RBFOX1: variants seen among roughly 807,000 people sequenced by gnomAD.
RBFOX1 encodes the protein RNA binding fox-1 homolog 1, also known as RNA binding protein fox-1 homolog 1.
In RBFOX1, 8 loss-of-function variants were observed where a neutral mutation model predicts 57.7. The ratio of observed to expected loss-of-function variants is 0.14; its 90% CI spans 0.08 to 0.25. The LOEUF (loss-of-function observed/expected upper bound fraction) is 0.25, where lower values mean the gene tolerates loss of function less well. RBFOX1 is among the 10% of genes least tolerant of loss of function. The pLI, the probability that RBFOX1 is intolerant of heterozygous loss-of-function variation, is 1.00. For synonymous variants in RBFOX1, 326 were observed against 222.4 expected (o/e 1.47, Z -4.15); for missense variants, 611 against 548.5 (o/e 1.11, Z -1.14).
At chr16:6,797,731 C>A (rs895192706) in intron 3 of RBFOX1, among the ~76,000 whole-genome samples, 1 of 152,020 alleles carries the variant, frequency 6.6e-6, no homozygotes, top group African/African-American at 2.4e-5. Context: ...GTTTCCAAAC[C>A]ACGTTGGCTC....
intron 3 of RBFOX1, among the ~76,000 whole-genome samples, chr16:5,751,103 A>C (rs919835339): frequency 6.6e-6 from 1 of 152,176 alleles, no homozygotes; most frequent in African/African-American, 2.4e-5. Context: ...TCGGCCTCCT[A>C]AAGTGCTGGG....
intron 3 of RBFOX1, among the ~76,000 whole-genome samples, chr16:5,696,734 C>T (rs1352654121): frequency 2.0e-5 from 3 of 152,046 alleles, no homozygotes; most frequent in Admixed American, 1.3e-4. Context: ...ATGATATTGC[C>T]TTCCCATCTA....
At chr16:5,794,652 A>C (rs952707690) in intron 3 of RBFOX1, among the ~76,000 whole-genome samples, 14 of 152,150 alleles carry the variant, frequency 9.2e-5, no homozygotes, top group South Asian at 2.1e-4. Context: ...ATGCAGCTGG[A>C]GGAGTCGGGC....
chr16:6,215,655 A>G (rs537809414), intron 1 of RBFOX1, among the ~76,000 whole-genome samples: 1 of 151,856 alleles, frequency 6.6e-6, no homozygotes, highest in Non-Finnish European at 1.5e-5. Flanking sequence ...CTTCCTGTAG[A>G]TTTTTGCAGC....
intron 3 of RBFOX1, among the ~76,000 whole-genome samples, chr16:5,685,091 A>G (rs2050464959): frequency 6.6e-6 from 1 of 152,206 alleles, no homozygotes; most frequent in Admixed American, 6.5e-5. Flanking sequence ...ATAAGCAGAC[A>G]TGAAAAAAGG....
In RBFOX1 at chr16:7,667,092, G is replaced by C. The variant is rs536637263; in HGVS notation, c.930+2124G>C. ...TGGGGGAGCATCACATATGCAATCAGGTGGCAGAAAAAGTTCCTGCAATAT... is the reference window on the plus strand; with the variant it reads ...TGGGGGAGCATCACATATGCAATCACGTGGCAGAAAAAGTTCCTGCAATAT... On this transcript the variant is annotated intron_variant, in intron 13 of 15. Coordinates refer to ENST00000550418, the MANE Select transcript of RBFOX1 (RefSeq NM_018723.4). Among the ~76,000 whole-genome samples the C allele has an allele frequency of 3.3e-5, 5 of 152,308 alleles. No individual in the cohort carries two copies. In the South Asian group the frequency reaches 8.3e-4, roughly 25 times the overall value.
chr16:7,048,294 C>T (rs112623715), intron 3 of RBFOX1, among the ~76,000 whole-genome samples: 2 of 151,850 alleles, frequency 1.3e-5, no homozygotes, highest in East Asian at 3.9e-4. Flanking sequence ...GAGTCTTGCT[C>T]TGTCTCCCAG....
intron 1 of RBFOX1, among the ~76,000 whole-genome samples, chr16:6,080,676 G>A (rs917861643): frequency 1.3e-5 from 2 of 152,130 alleles, no homozygotes; most frequent in Admixed American, 6.6e-5. Flanking sequence ...TTTAAAAGAT[G>A]TACTCTTCTC....
At chr16:5,542,813 T>TAAGGCA (rs2045016498) in intron 2 of RBFOX1, among the ~76,000 whole-genome samples, 1 of 152,226 alleles carries the variant, frequency 6.6e-6, no homozygotes, top group African/African-American at 2.4e-5. Flanking sequence ...TACTCATTAA[T>TAAGGCA]AAGGCAGAGT....
At chr16:7,390,943 T>A (rs1478611839) in intron 4 of RBFOX1, among the ~76,000 whole-genome samples, 4 of 152,182 alleles carry the variant, frequency 2.6e-5, no homozygotes, top group Non-Finnish European at 5.9e-5. Flanking sequence ...TTTTTTTTAC[T>A]GCCTGTTTTG....
intron 3 of RBFOX1, among the ~76,000 whole-genome samples, chr16:5,716,801 A>C (rs938467400): frequency 6.6e-6 from 1 of 152,160 alleles, no homozygotes; most frequent in Non-Finnish European, 1.5e-5. Context: ...GAGCTCAAGG[A>C]AGCTCAGCGA....
chr16:5,844,868 C>G (rs1048126644), intron 3 of RBFOX1, among the ~76,000 whole-genome samples: 1 of 152,052 alleles, frequency 6.6e-6, no homozygotes, highest in Non-Finnish European at 1.5e-5. Flanking sequence ...TTGTAATGAC[C>G]CATTCCAAAA....
intron 3 of RBFOX1, among the ~76,000 whole-genome samples, chr16:6,658,817 C>T (rs997663669): frequency 6.6e-6 from 1 of 152,048 alleles, no homozygotes; most frequent in African/African-American, 2.4e-5. Flanking sequence ...GGTTCCTGGC[C>T]ATTGCTTAAA....
intron 1 of RBFOX1, among the ~76,000 whole-genome samples, chr16:6,251,787 T>G (rs2097615194): frequency 2.0e-5 from 3 of 152,086 alleles, no homozygotes. Context: ...CTGGAGTCAC[T>G]TCACTTCGGG....
intron 1 of RBFOX1, among the ~76,000 whole-genome samples, chr16:5,458,692 A>T (rs2068702967): frequency 6.6e-6 from 1 of 152,210 alleles, no homozygotes; most frequent in Non-Finnish European, 1.5e-5. Context: ...CTGGGTTTTA[A>T]GGAATTTTAA....
At chr16:5,863,450 C>A (rs2057274539) in intron 3 of RBFOX1, among the ~76,000 whole-genome samples, 1 of 152,188 alleles carries the variant, frequency 6.6e-6, no homozygotes, top group South Asian at 2.1e-4. Flanking sequence ...GCGTCAGCAA[C>A]CCTTAAAGAG....
chr16:6,211,797 C>G (rs2097299654), intron 1 of RBFOX1, among the ~76,000 whole-genome samples: 1 of 151,750 alleles, frequency 6.6e-6, no homozygotes, highest in African/African-American at 2.4e-5. Context: ...AAATAACATT[C>G]CATCCACTTA....
In RBFOX1 at chr16:6,007,525, C is replaced by T. The variant is rs140365014; in HGVS notation, c.351+140190C>T. Among the ~76,000 whole-genome samples the T allele has an allele frequency of 1.6e-3, 251 of 152,276 alleles. 1 individual carries two copies. Among genetic ancestry groups the T allele is most frequent in the African/African-American group, 5.5e-3 (228 of 41,556 alleles). On this transcript the variant is annotated intron_variant, in intron 4 of 19. Transcript: ENST00000641259. ...GCCAGAGACCTTGAACGAGAGGTAC[C>T]CAGTAGAGCCATGCTACTTACTGAC...
intron 3 of RBFOX1, among the ~76,000 whole-genome samples, chr16:6,697,160 C>T (rs566923656): frequency 6.6e-6 from 1 of 152,236 alleles, no homozygotes; most frequent in South Asian, 2.1e-4. Flanking sequence ...GAAATAGGGC[C>T]TCTACCTTGG....
Sources: gnomAD v4.1 joint callset for allele counts (sites outside exome capture counted in the v4.1 genomes callset) on GRCh38, gnomAD v4.1.1 for gene constraint, MANE v1.5 for transcripts, NCBI Gene and HGNC (gene_info 2026-07-23, HGNC 2026-07-21) for gene names.